The following LRMDA variants were observed in gnomAD, a reference collection of about 807,000 sequenced individuals.
The protein encoded by LRMDA is leucine-rich melanocyte differentiation-associated protein.
A neutral mutation model predicts 29.8 loss-of-function variants in LRMDA; 18 were observed. The observed-to-expected ratio is 0.60, with a 90% CI of 0.42 to 0.90. The LOEUF (loss-of-function observed/expected upper bound fraction) is 0.90. Among genes scored for constraint, LRMDA ranks in the 40% least tolerant of loss-of-function variants. The probability of loss-of-function intolerance (pLI) is 0.00; values close to 1 mark genes in which losing one functional copy is unlikely to be tolerated. For missense variants in LRMDA, 273 were observed against 273.9 expected, an observed-to-expected ratio of 1.00 and a Z score of 0.02; for synonymous variants, 125 against 109.4, an observed-to-expected ratio of 1.14 and a Z score of -0.89.
At chr10:76,126,502 A>G (rs1265680819) in intron 5 of LRMDA, among the ~76,000 whole-genome samples, 1 of 152,192 alleles carries the variant, frequency 6.6e-6, no homozygotes, top group Non-Finnish European at 1.5e-5. Context: ...GCAATGAAAT[A>G]TAGAGAAGAA....
intron 6 of LRMDA, among the ~76,000 whole-genome samples, chr10:76,397,056 C>T (rs1037506484): frequency 1.3e-5 from 2 of 152,162 alleles, no homozygotes; most frequent in Non-Finnish European, 2.9e-5. Flanking sequence ...GACACGTCCC[C>T]TCCCTTGCTG....
chr10:75,724,745 T>G (rs1842610750), intron 2 of LRMDA, among the ~76,000 whole-genome samples: 1 of 152,146 alleles, frequency 6.6e-6, no homozygotes. Context: ...GTAAAAACAA[T>G]TATATTGGAG....
At chr10:76,373,145 T>C (rs1841475100) in intron 6 of LRMDA, among the ~76,000 whole-genome samples, 1 of 152,126 alleles carries the variant, frequency 6.6e-6, no homozygotes, top group Admixed American at 6.6e-5. Context: ...TGTTTGCATT[T>C]TGGGAGATGC....
At chr10:75,698,670 T>A (rs1842269130) in intron 2 of LRMDA, among the ~76,000 whole-genome samples, 1 of 151,984 alleles carries the variant, frequency 6.6e-6, no homozygotes, top group African/African-American at 2.4e-5. Flanking sequence ...CCTCTTTTTT[T>A]TTTTTTGTCT....
At chr10:76,076,955 C>G (rs1848970680) in intron 5 of LRMDA, among the ~76,000 whole-genome samples, 2 of 152,184 alleles carry the variant, frequency 1.3e-5, no homozygotes, top group Non-Finnish European at 2.9e-5. Flanking sequence ...GTTTACTTTT[C>G]TTTGTGCTCC....
At chr10:75,505,650 C>T (rs1391964097) in intron 2 of LRMDA, among the ~76,000 whole-genome samples, 3 of 152,080 alleles carry the variant, frequency 2.0e-5, no homozygotes, top group Non-Finnish European at 2.9e-5. Context: ...CACTCATGGA[C>T]CCCCCATATT....
At chr10:76,088,051 T>C (rs995407020) in intron 5 of LRMDA, among the ~76,000 whole-genome samples, 17 of 152,060 alleles carry the variant, frequency 1.1e-4, no homozygotes, top group Admixed American at 3.9e-4. Flanking sequence ...ACCCGGGAGG[T>C]TGAGGCTACA....
In LRMDA at chr10:75,851,834, A is replaced by G. The variant is rs540261914; in HGVS notation, c.132-184174A>G. ...GCCTTGAAAGGCCCTTCACTTAGAA[A>G]GCTGAAGGAGTACGGCTGCCTGCAA... On this transcript the variant is annotated intron_variant, in intron 2 of 6. Coordinates refer to ENST00000611255, the MANE Select transcript of LRMDA (RefSeq NM_001305581.2). Among the ~76,000 whole-genome samples, 8 of 152,346 alleles carry G rather than the reference A, an allele frequency of 5.3e-5. No individual in the cohort carries two copies. The South Asian group carries it at 1.4e-3, about 28-fold the overall frequency.
chr10:76,319,645 A>T (rs1379635637), intron 5 of LRMDA, among the ~76,000 whole-genome samples: 1 of 152,230 alleles, frequency 6.6e-6, no homozygotes, highest in African/African-American at 2.4e-5. Context: ...TAAATGAGTG[A>T]TGCTTTTTCT....
intron 2 of LRMDA, among the ~76,000 whole-genome samples, chr10:75,518,978 G>C (rs1845326499): frequency 6.6e-6 from 1 of 152,150 alleles, no homozygotes; most frequent in Non-Finnish European, 1.5e-5. Flanking sequence ...AGTCATTCAG[G>C]AGCAGGTTGT....
chr10:75,766,035 C>T (rs1564562545), intron 2 of LRMDA, among the ~76,000 whole-genome samples: 1 of 152,160 alleles, frequency 6.6e-6, no homozygotes, highest in Non-Finnish European at 1.5e-5. Context: ...ACACGCTATC[C>T]TAAAAAATGT....
intron 5 of LRMDA, among the ~76,000 whole-genome samples, chr10:76,072,847 T>C (rs1027957174): frequency 1.3e-5 from 2 of 152,252 alleles, no homozygotes; most frequent in African/African-American, 4.8e-5. Context: ...GGTCTTTGAG[T>C]ACTTCTGCTG....
intron 5 of LRMDA, among the ~76,000 whole-genome samples, chr10:76,096,002 A>T (rs1164681105): frequency 6.6e-6 from 1 of 150,548 alleles, no homozygotes; most frequent in Non-Finnish European, 1.5e-5. Flanking sequence ...AGATTTCTTT[A>T]TATCATTTAG....
intron 2 of LRMDA, among the ~76,000 whole-genome samples, chr10:75,509,744 C>T (rs1452812765): frequency 6.6e-6 from 1 of 152,234 alleles, no homozygotes; most frequent in Non-Finnish European, 1.5e-5. Flanking sequence ...GAAGTCACTT[C>T]AGTTTTCTGG....
intron 5 of LRMDA, among the ~76,000 whole-genome samples, chr10:76,122,500 T>C (rs372442828): frequency 3.4e-4 from 52 of 152,256 alleles, no homozygotes; most frequent in African/African-American, 1.3e-3. Flanking sequence ...CTGTATATCC[T>C]TATCTGTAAA....
intron 2 of LRMDA, among the ~76,000 whole-genome samples, chr10:76,025,993 G>A (rs1005128650): frequency 2.0e-5 from 3 of 152,128 alleles, no homozygotes; most frequent in Admixed American, 2.0e-4. Context: ...GAATGAACAA[G>A]CTATAGAGGT....
chr10:76,383,344 T>C lies in LRMDA; in HGVS notation c.601+58859T>C, dbSNP rs1841616035. ...TTCTCTACAGGCTCCTGGTCCTCTG[T>C]CCTCCAGCTCTGCACCACACTCCAG... is the stretch of plus-strand genomic sequence containing the variant. On this transcript the variant is annotated intron_variant, in intron 6 of 6. Coordinates refer to ENST00000611255, the MANE Select transcript of LRMDA (RefSeq NM_001305581.2). Among the ~76,000 whole-genome samples the C allele has an allele frequency of 2.6e-5, 4 of 151,822 alleles. No homozygotes were observed. The South Asian group carries it at 8.4e-4, about 32-fold the overall frequency.
intron 2 of LRMDA, among the ~76,000 whole-genome samples, chr10:75,937,504 G>A (rs760859957): frequency 2.0e-5 from 3 of 152,184 alleles, no homozygotes; most frequent in Non-Finnish European, 4.4e-5. Context: ...AAAGTTCAAA[G>A]TAAAGCAGGT....
At chr10:75,927,743 T>C (rs930305543) in intron 2 of LRMDA, among the ~76,000 whole-genome samples, 12 of 152,182 alleles carry the variant, frequency 7.9e-5, no homozygotes, top group Non-Finnish European at 1.3e-4. Flanking sequence ...AACAGTAAAG[T>C]AGATTTGGAC....
Sources: gnomAD v4.1 joint callset for allele counts (sites outside exome capture counted in the v4.1 genomes callset) on GRCh38, gnomAD v4.1.1 for gene constraint, MANE v1.5 for transcripts, NCBI Gene and HGNC (gene_info 2026-07-23, HGNC 2026-07-21) for gene names.